VPS13B: variants seen among roughly 807,000 people sequenced by gnomAD.
VPS13B encodes the protein intermembrane lipid transfer protein VPS13B.
A neutral mutation model predicts 426.4 loss-of-function variants in VPS13B; 285 were observed. The observed-to-expected ratio is 0.67, with a 90% CI of 0.61 to 0.74. The LOEUF (loss-of-function observed/expected upper bound fraction) is 0.74. Among genes scored for constraint, VPS13B ranks in the 30% least tolerant of loss-of-function variants. VPS13B has a pLI of 0.00. For synonymous variants in VPS13B, 1,676 were observed against 1,676.4 expected, an observed-to-expected ratio of 1.00 and a Z score of 0.01; for missense variants, 4,537 against 4,782.6, an observed-to-expected ratio of 0.95 and a Z score of 1.51.
At chr8:99,473,176 A>T (rs1819502295) in intron 24 of VPS13B, among the ~76,000 whole-genome samples, 1 of 152,088 alleles carries the variant, frequency 6.6e-6, no homozygotes, top group Non-Finnish European at 1.5e-5. Flanking sequence ...TAACTCTAAT[A>T]ACAAAACTTC....
At chr8:99,153,431 T>A (rs1426247684) in intron 14 of VPS13B, among the ~76,000 whole-genome samples, 3 of 152,202 alleles carry the variant, frequency 2.0e-5, no homozygotes, top group Non-Finnish European at 4.4e-5. Context: ...GAGCATTTTA[T>A]ATTATTCGAT....
At chr8:99,340,401 C>T in intron 19 of VPS13B, 1 of 462,770 alleles carries the variant, frequency 2.2e-6, no homozygotes, top group Admixed American at 2.5e-5. Flanking sequence ...ATATATTCTG[C>T]TAAAAACTTC....
At chr8:99,430,040 T>G (rs1256657887) in intron 21 of VPS13B, among the ~76,000 whole-genome samples, 1 of 152,190 alleles carries the variant, frequency 6.6e-6, no homozygotes, top group Non-Finnish European at 1.5e-5. Context: ...ACATTCGTTG[T>G]TTTTGTTTCA....
intron 35 of VPS13B, among the ~76,000 whole-genome samples, chr8:99,671,438 A>G (rs1206355654): frequency 1.3e-5 from 2 of 151,990 alleles, no homozygotes; most frequent in Non-Finnish European, 2.9e-5. Context: ...ATCTCTTCAT[A>G]CTATTGGTTG....
intron 14 of VPS13B, 132 bp from the exon 15 acceptor site, chr8:99,156,417 T>G: frequency 1.3e-6 from 1 of 776,734 alleles, no homozygotes; most frequent in Non-Finnish European, 2.1e-6. Flanking sequence ...AAGAGAGTTC[T>G]GTAGAAAGGC....
intron 2 of VPS13B, among the ~76,000 whole-genome samples, chr8:99,028,687 C>A: frequency 7.1e-6 from 1 of 141,288 alleles, no homozygotes; most frequent in Non-Finnish European, 1.6e-5. Context: ...CCCCACCTCC[C>A]TCCCGGACGG....
At chr8:99,661,273 A>G in intron 34 of VPS13B, 81 bp from the exon 35 acceptor site, 1 of 1,570,210 alleles carries the variant, frequency 6.4e-7, no homozygotes, top group East Asian at 2.2e-5. Context: ...TTTTTCTCTC[A>G]TTTATTAACT....
intron 17 of VPS13B, among the ~76,000 whole-genome samples, chr8:99,248,755 T>C (rs1817352751): frequency 6.6e-6 from 1 of 152,202 alleles, no homozygotes; most frequent in Admixed American, 6.5e-5. Context: ...GTTTTAAATA[T>C]TTGAACCAGA....
chr8:99,137,333 C>A (rs571976475), intron 12 of VPS13B, among the ~76,000 whole-genome samples: 21 of 151,312 alleles, frequency 1.4e-4, no homozygotes, highest in Admixed American at 5.3e-4. Context: ...AAAATAGGTT[C>A]ACAGTTTTTT....
chr8:99,120,127 A>C (rs1847868454), intron 7 of VPS13B: 1 of 152,400 alleles, frequency 6.6e-6, no homozygotes, highest in Non-Finnish European at 1.5e-5. Flanking sequence ...TCCTGAGCTT[A>C]GGTAATCTGC....
chr8:99,143,199 A>AAATCTTCACT (rs770552110), intron 13 of VPS13B, 34 bp downstream of exon 13: 1 of 1,612,478 alleles, frequency 6.2e-7, no homozygotes, highest in Non-Finnish European at 8.5e-7. Flanking sequence ...ATCTTTTGCC[A>AAATCTTCACT]TTTGTTTTGA....
At chr8:99,578,456 TCA>T (rs1186409726) in intron 33 of VPS13B, among the ~76,000 whole-genome samples, 1 of 152,126 alleles carries the variant, frequency 6.6e-6, no homozygotes, top group African/African-American at 2.4e-5. Context: ...CATTATTCTT[TCA>T]GTCTTCTTTA....
intron 25 of VPS13B, among the ~76,000 whole-genome samples, chr8:99,492,924 T>G (rs1203037744): frequency 2.0e-5 from 3 of 152,194 alleles, no homozygotes; most frequent in Admixed American, 6.5e-5. Context: ...CAATTGGAAA[T>G]GCAGAAATCA....
At chr8:99,218,296 A>C (rs552835038) in intron 17 of VPS13B, among the ~76,000 whole-genome samples, 2 of 152,314 alleles carry the variant, frequency 1.3e-5, no homozygotes, top group South Asian at 2.1e-4. Flanking sequence ...AATATTTACT[A>C]TCTGGCCCTT....
intron 39 of VPS13B, among the ~76,000 whole-genome samples, chr8:99,759,745 T>G (rs1810831483): frequency 6.6e-6 from 1 of 152,186 alleles, no homozygotes; most frequent in Non-Finnish European, 1.5e-5. Context: ...AGCATCCATA[T>G]GGCTGCTCAG....
rs955548583 is a variant in VPS13B at position 99,348,660 on chromosome 8, G to A, written c.2825-35548G>A. On this transcript the variant is annotated intron_variant, in intron 19 of 61. Transcript: ENST00000357162. ...GTTTGCTTTAAATGATATAAAATTG[G>A]TCATATCATTTTATCTTCATGGAAT... 1.4e-4 allele frequency among the ~76,000 whole-genome samples: 22 copies of A among 152,080 alleles called. 1 individual carries two copies. Among genetic ancestry groups the A allele is most frequent in the African/African-American group, 5.3e-4 (22 of 41,488 alleles).
At chr8:99,504,998 A>C (rs1378694824) in intron 27 of VPS13B, among the ~76,000 whole-genome samples, 1 of 152,228 alleles carries the variant, frequency 6.6e-6, no homozygotes, top group Non-Finnish European at 1.5e-5. Context: ...TTGTTGCTTC[A>C]TGTTGCACAT....
chr8:99,343,160 C>T (rs942021827), intron 19 of VPS13B, among the ~76,000 whole-genome samples: 6 of 150,998 alleles, frequency 4.0e-5, no homozygotes, highest in African/African-American at 1.5e-4. Flanking sequence ...GTGGCACAAT[C>T]TCGGCTCACT....
At chr8:99,340,152 C>T (rs1811160313) in intron 19 of VPS13B, among the ~76,000 whole-genome samples, 1 of 152,162 alleles carries the variant, frequency 6.6e-6, no homozygotes, top group East Asian at 1.9e-4. Context: ...ATGTGGGCAA[C>T]TGAAACAACA....
Sources: gnomAD v4.1 joint callset for allele counts (sites outside exome capture counted in the v4.1 genomes callset) on GRCh38, gnomAD v4.1.1 for gene constraint, MANE v1.5 for transcripts, NCBI Gene and HGNC (gene_info 2026-07-23, HGNC 2026-07-21) for gene names.